Variants in DOCK8 observed in about 807,000 individuals in gnomAD.
DOCK8 encodes dedicator of cytokinesis protein 8.
In DOCK8, 141 loss-of-function variants were observed where a neutral mutation model predicts 245.6. The ratio of observed to expected loss-of-function variants is 0.57; its 90% CI spans 0.50 to 0.66. The LOEUF (loss-of-function observed/expected upper bound fraction) is 0.66. Among genes scored for constraint, DOCK8 ranks in the 30% least tolerant of loss-of-function variants. The pLI, the probability that DOCK8 is intolerant of heterozygous loss-of-function variation, is 0.00. For missense variants in DOCK8, 2,965 were observed against 2,603.4 expected, an observed-to-expected ratio of 1.14 and a Z score of -3.02; for synonymous variants, 1,168 against 970.2, an observed-to-expected ratio of 1.20 and a Z score of -3.79.
intron 11 of DOCK8, among the ~76,000 whole-genome samples, chr9:334,775 G>T (rs112573854): frequency 5.3e-5 from 8 of 152,030 alleles, no homozygotes; most frequent in African/African-American, 1.9e-4. Context: ...TGTTACAAAG[G>T]CTTCAAAAAG....
chr9:239,263 A>C (rs2047329125), intron 1 of DOCK8, among the ~76,000 whole-genome samples: 1 of 152,202 alleles, frequency 6.6e-6, no homozygotes, highest in African/African-American at 2.4e-5. Flanking sequence ...GCTAAACTTG[A>C]AAGAGATTTA....
In DOCK8 at chr9:370,300, A is replaced by G; in HGVS notation, c.1868A>G (p.Lys623Arg). 1 of 1,613,776 alleles carries G rather than the reference A, an allele frequency of 6.2e-7. No homozygotes were observed. Among genetic ancestry groups the G allele is most frequent in the Non-Finnish European group, 8.5e-7 (1 of 1,179,658 alleles). ...EVYTAVTYHN[K>R]SPDFYEEVKI... ...TACACAGCTGTTACATACCATAATA[A>G]GTAAGTCTATTTCAGCATTCTAAAT... The change falls in exon 16 of 48, where the codon AAG becomes AGG. Residue 623 changes from lysine to arginine, a missense_variant and splice_region_variant. Lys to Arg is a conservative substitution (Grantham distance 26). This residue lies in a region of DOCK8 where 2,825 missense variants were observed against 2,453.5 expected (regional missense o/e 1.15). Transcript: ENST00000432829.
chr9:418,088 C>A lies in DOCK8; in HGVS notation c.3721C>A (p.Arg1241Ser). 1.2e-6 allele frequency: 2 copies of A among 1,614,166 alleles called. No individual in the cohort carries two copies. Among genetic ancestry groups the A allele is most frequent in the Non-Finnish European group, 1.7e-6 (2 of 1,180,028 alleles). ...DFTVADTRRY[R>S]TSGSDEEQEG... The stretch of plus-strand genomic sequence containing the variant: ...TGCAGTTGCAGATACTCGCAGATAC[C>A]GCACCAGTGGCTCGGATGAAGAACA... Residue 1241 changes from arginine to serine, a missense_variant, in exon 30 of 48, where the codon CGC becomes AGC. Transcript: ENST00000432829.
intron 1 of DOCK8, among the ~76,000 whole-genome samples, chr9:231,235 G>T (rs1158141750): frequency 2.6e-5 from 4 of 151,986 alleles, no homozygotes; most frequent in African/African-American, 9.7e-5. Flanking sequence ...TATTTCTGAG[G>T]GCTCTGTTCT....
chr9:241,087 G>T (rs548149523), intron 1 of DOCK8, among the ~76,000 whole-genome samples: 4 of 151,902 alleles, frequency 2.6e-5, no homozygotes, highest in African/African-American at 9.7e-5. Flanking sequence ...ATTGTTTTTT[G>T]ATTTTATTTT....
chr9:378,860 C>G (rs79269462), intron 20 of DOCK8, among the ~76,000 whole-genome samples: 2 of 152,214 alleles, frequency 1.3e-5, no homozygotes, highest in African/African-American at 4.8e-5. Context: ...AAATGCACTT[C>G]GCATGGGAAG....
chr9:417,702 A>G (rs1265929374), intron 29 of DOCK8, among the ~76,000 whole-genome samples: 4 of 152,238 alleles, frequency 2.6e-5, no homozygotes, highest in Non-Finnish European at 5.9e-5. Context: ...ATTATTCTAT[A>G]TAAGGTAGTT....
At chr9:400,264 TC>T (rs1564013060) in intron 26 of DOCK8, among the ~76,000 whole-genome samples, 3 of 35,232 alleles carry the variant, frequency 8.5e-5, no homozygotes, top group African/African-American at 1.5e-4. Flanking sequence ...CACCACCACC[TC>T]CACCATCACC....
At chr9:415,089 C>T (rs748587520) in intron 29 of DOCK8, 138 bp downstream of exon 29, 17 of 1,220,354 alleles carry the variant, frequency 1.4e-5, no homozygotes, top group Non-Finnish European at 1.9e-5. Flanking sequence ...CTCCAAACCT[C>T]TTTAACACTG....
chr9:441,037 A>AT (rs559092827), intron 40 of DOCK8, among the ~76,000 whole-genome samples: 13 of 151,520 alleles, frequency 8.6e-5, no homozygotes, highest in African/African-American at 2.2e-4. Flanking sequence ...CTCAGCCAGT[A>AT]TTTTTTTTTC....
At chr9:249,563 ATTACTC>A (rs1295713615) in intron 1 of DOCK8, among the ~76,000 whole-genome samples, 1 of 152,090 alleles carries the variant, frequency 6.6e-6, no homozygotes, top group East Asian at 1.9e-4. Flanking sequence ...AGTAAAAACT[ATTACTC>A]TTAATAGTTT....
chr9:417,935 C>G, intron 29 of DOCK8, 133 bp from the exon 30 acceptor site: 7 of 1,088,344 alleles, frequency 6.4e-6, no homozygotes, highest in Non-Finnish European at 9.6e-6. Flanking sequence ...ATAGCAGATA[C>G]ATAATGCTAA....
At chr9:235,290 G>T (rs2047218000) in intron 1 of DOCK8, among the ~76,000 whole-genome samples, 1 of 152,138 alleles carries the variant, frequency 6.6e-6, no homozygotes, top group South Asian at 2.1e-4. Flanking sequence ...GGCTGTGTGA[G>T]GTGTCAGTCT....
intron 43 of DOCK8, among the ~76,000 whole-genome samples, chr9:446,115 T>G (rs1051094404): frequency 6.6e-6 from 1 of 152,258 alleles, no homozygotes; most frequent in Non-Finnish European, 1.5e-5. Flanking sequence ...ATCAGTTTGC[T>G]CTGCTAGGAA....
At chr9:425,281 C>T (rs1301740305) in intron 33 of DOCK8, among the ~76,000 whole-genome samples, 1 of 151,998 alleles carries the variant, frequency 6.6e-6, no homozygotes, top group Non-Finnish European at 1.5e-5. Flanking sequence ...ACCTGTAATC[C>T]CAGCACTTTG....
At chr9:366,979 G>C (rs141920707) in intron 14 of DOCK8, among the ~76,000 whole-genome samples, 1 of 152,300 alleles carries the variant, frequency 6.6e-6, no homozygotes, top group African/African-American at 2.4e-5. Context: ...TCTGGAACTA[G>C]ACAGTCTGGG....
chr9:327,890 A>C (rs1162609762), intron 8 of DOCK8, 132 bp from the exon 9 acceptor site: 13 of 840,300 alleles, frequency 1.5e-5, no homozygotes, highest in Non-Finnish European at 2.4e-5. Flanking sequence ...CCACTTTCCT[A>C]AACCACATCT....
At chr9:352,464 C>G (rs1194435628) in intron 14 of DOCK8, among the ~76,000 whole-genome samples, 3 of 152,154 alleles carry the variant, frequency 2.0e-5, no homozygotes, top group African/African-American at 7.2e-5. Flanking sequence ...TGACACTTGG[C>G]CAGGCACGGT....
chr9:265,801 G>A (rs1179616407), intron 1 of DOCK8, among the ~76,000 whole-genome samples: 1 of 152,002 alleles, frequency 6.6e-6, no homozygotes, highest in East Asian at 1.9e-4. Context: ...AGATTCTTGT[G>A]CATCTTCACC....
Sources: allele counts gnomAD v4.1 joint callset (sites outside exome capture counted in the v4.1 genomes callset), GRCh38; gene constraint gnomAD v4.1.1; regional missense constraint gnomAD v4.1.1; transcripts MANE v1.5; gene names NCBI Gene and HGNC (gene_info 2026-07-23, HGNC 2026-07-21).